CNTN4: variants seen among roughly 807,000 people sequenced by gnomAD.
CNTN4 encodes the protein contactin-4.
CNTN4 carries 77 observed loss-of-function variants against 122.5 expected under a neutral mutation model. The ratio of observed to expected loss-of-function variants is 0.63; its 90% CI spans 0.52 to 0.76. The LOEUF (loss-of-function observed/expected upper bound fraction) is 0.76, where lower values mean the gene tolerates loss of function less well. Ranked by LOEUF, CNTN4 falls within the 30% of genes least tolerant of loss-of-function variation. The pLI is 0.00. For synonymous variants in CNTN4, 512 were observed against 447.0 expected, an observed-to-expected ratio of 1.15 and a Z score of -1.83; for missense variants, 1,256 against 1,259.1, an observed-to-expected ratio of 1.00 and a Z score of 0.04.
intron 2 of CNTN4, among the ~76,000 whole-genome samples, chr3:2,109,335 G>A (rs1368509248): frequency 1.3e-5 from 2 of 152,050 alleles, no homozygotes; most frequent in Admixed American, 1.3e-4. Flanking sequence ...GAAGGTTAGG[G>A]CAGTAGAATC....
At chr3:3,026,006 T>G in intron 14 of CNTN4, 96 bp from the exon 15 acceptor site, 1 of 1,198,658 alleles carries the variant, frequency 8.3e-7, no homozygotes, top group Admixed American at 1.9e-5. Flanking sequence ...GCAAAATTAC[T>G]TAGTATTTCA....
intron 4 of CNTN4, among the ~76,000 whole-genome samples, chr3:2,580,117 T>TA (rs2079871512): frequency 6.6e-6 from 1 of 152,162 alleles, no homozygotes; most frequent in East Asian, 1.9e-4. Context: ...GGAAGGTCTG[T>TA]CTTAGTACAG....
At chr3:2,280,733 A>T (rs2041684000) in intron 2 of CNTN4, among the ~76,000 whole-genome samples, 1 of 152,230 alleles carries the variant, frequency 6.6e-6, no homozygotes, top group South Asian at 2.1e-4. Flanking sequence ...GTCAGCTTTG[A>T]GAACTTCAGT....
chr3:3,009,076 G>A (rs549878773), intron 14 of CNTN4: 12 of 974,390 alleles, frequency 1.2e-5, no homozygotes, highest in South Asian at 4.7e-5. Flanking sequence ...CACCACCTCC[G>A]GAGCCACAAT....
rs185550642 is a variant in CNTN4, at chr3:2,257,942, A to C, written c.-144-81236A>C. Among the ~76,000 whole-genome samples, 334 of 152,236 alleles carry C rather than the reference A, an allele frequency of 2.2e-3. 1 individual carries two copies. The highest frequency in any genetic ancestry group is 3.6e-3 in the Admixed American group (55 of 15,280). ...GCCAGGCGTGGTGGTGCACGTCTGT[A>C]ATCCCAGCTACACAAGAGGCTGAGG... On this transcript the variant is annotated intron_variant, in intron 2 of 24. Transcript: ENST00000418658.
At chr3:2,162,207 A>G (rs993891538) in intron 2 of CNTN4, among the ~76,000 whole-genome samples, 1 of 152,184 alleles carries the variant, frequency 6.6e-6, no homozygotes. Context: ...TTGTACTTGA[A>G]TTACTCATTT....
At position 2,628,498 on chromosome 3, in the gene CNTN4, G is replaced by A. The variant is rs758270937; in HGVS notation, c.55+56940G>A. On this transcript the variant is annotated intron_variant, in intron 4 of 24. Transcript: ENST00000418658. ...TTTTCTACTCTCGATAGAATGCAGT[G>A]GATATCTGATGCAGTTTTGTGCCAT... Among the ~76,000 whole-genome samples the A allele has an allele frequency of 5.5e-4, 83 of 152,176 alleles. 1 individual carries two copies. The highest frequency in any genetic ancestry group is 1.6e-4 in the Non-Finnish European group (11 of 68,042).
At chr3:2,462,804 A>C (rs1239332627) in intron 3 of CNTN4, among the ~76,000 whole-genome samples, 1 of 152,248 alleles carries the variant, frequency 6.6e-6, no homozygotes, top group Non-Finnish European at 1.5e-5. Flanking sequence ...AATCCAGTGT[A>C]TACATTACAT....
intron 6 of CNTN4, among the ~76,000 whole-genome samples, chr3:2,759,405 C>T (rs978011207): frequency 2.0e-5 from 3 of 152,146 alleles, no homozygotes; most frequent in African/African-American, 7.2e-5. Flanking sequence ...CCTCGGCCTC[C>T]CAAAGTGCTG....
chr3:2,708,870 A>G (rs1184753618), intron 4 of CNTN4, among the ~76,000 whole-genome samples: 1 of 152,198 alleles, frequency 6.6e-6, no homozygotes, highest in African/African-American at 2.4e-5. Flanking sequence ...AATCTTTTTT[A>G]AAAAGGAAAC....
At chr3:2,557,414 C>A (rs1206798514) in intron 3 of CNTN4, among the ~76,000 whole-genome samples, 1 of 152,166 alleles carries the variant, frequency 6.6e-6, no homozygotes, top group East Asian at 1.9e-4. Context: ...AAAATTCTGG[C>A]TTTATTTTTT....
chr3:2,876,296 A>T (rs1451279158), intron 8 of CNTN4, among the ~76,000 whole-genome samples: 2 of 152,194 alleles, frequency 1.3e-5, no homozygotes, highest in African/African-American at 4.8e-5. Context: ...TATCTCCTTC[A>T]ACCCAGGGGA....
chr3:2,663,715 A>G (rs1269489028), intron 4 of CNTN4, among the ~76,000 whole-genome samples: 1 of 152,170 alleles, frequency 6.6e-6, no homozygotes, highest in African/African-American at 2.4e-5. Flanking sequence ...GGGAAGAAAG[A>G]ATTTTTTAAA....
At chr3:2,414,462 T>C (rs563696341) in intron 3 of CNTN4, among the ~76,000 whole-genome samples, 26 of 152,334 alleles carry the variant, frequency 1.7e-4, no homozygotes, top group Non-Finnish European at 2.8e-4. Context: ...TAAATAAATA[T>C]GTAAAATGAC....
intron 3 of CNTN4, among the ~76,000 whole-genome samples, chr3:2,502,630 T>A (rs2076626932): frequency 6.6e-6 from 1 of 152,148 alleles, no homozygotes; most frequent in Non-Finnish European, 1.5e-5. Flanking sequence ...ATAATTTTGT[T>A]ATTTTTCTTT....
chr3:2,420,801 A>C (rs62245752), intron 3 of CNTN4, among the ~76,000 whole-genome samples: 33,172 of 152,062 alleles, frequency 0.22, 4,609 homozygotes, highest in Non-Finnish European at 0.32. Context: ...TGCACTTCTT[A>C]AACTAGTTAC....
intron 3 of CNTN4, among the ~76,000 whole-genome samples, chr3:2,451,711 G>T (rs140333849): frequency 5.3e-5 from 8 of 151,812 alleles, no homozygotes; most frequent in African/African-American, 7.3e-5. Flanking sequence ...AGTTTTTTGC[G>T]CTGATGAAGT....
chr3:2,191,238 ATG>A, intron 2 of CNTN4, among the ~76,000 whole-genome samples: 1 of 146,832 alleles, frequency 6.8e-6, no homozygotes, highest in Non-Finnish European at 1.5e-5. Flanking sequence ...CCAACTTATA[ATG>A]TGTTTTTAAT....
At chr3:2,102,239 A>G (rs888559217) in intron 2 of CNTN4, among the ~76,000 whole-genome samples, 2 of 152,242 alleles carry the variant, frequency 1.3e-5, no homozygotes, top group African/African-American at 4.8e-5. Flanking sequence ...TGGAGGCTGG[A>G]AAGTTCATAA....
Sources: gnomAD v4.1 joint callset for allele counts (sites outside exome capture counted in the v4.1 genomes callset) on GRCh38, gnomAD v4.1.1 for gene constraint, MANE v1.5 for transcripts, NCBI Gene and HGNC (gene_info 2026-07-23, HGNC 2026-07-21) for gene names.